ERCC3: variants seen among roughly 807,000 people sequenced by gnomAD.
The protein encoded by ERCC3 is general transcription and DNA repair factor IIH helicase/translocase subunit XPB.
ERCC3 carries 66 observed loss-of-function variants against 94.2 expected under a neutral mutation model. The ratio of observed to expected loss-of-function variants is 0.70; its 90% CI spans 0.57 to 0.86. The LOEUF is 0.86. Among genes scored for constraint, ERCC3 ranks in the 40% least tolerant of loss-of-function variants. The probability of loss-of-function intolerance (pLI) is 0.00; values close to 1 mark genes in which losing one functional copy is unlikely to be tolerated. For missense variants in ERCC3, 829 were observed against 987.1 expected, an observed-to-expected ratio of 0.84 and a Z score of 2.15; for synonymous variants, 349 against 369.1, an observed-to-expected ratio of 0.95 and a Z score of 0.63.
chr2:127,290,249 C>T lies in ERCC3; in HGVS notation c.496G>A (p.Val166Ile). 1 of 1,614,084 alleles carries T rather than the reference C, an allele frequency of 6.2e-7. No homozygotes were observed. Among genetic ancestry groups the T allele is most frequent in the Non-Finnish European group, 8.5e-7 (1 of 1,179,932 alleles). Residue 166 changes from valine (V) to isoleucine (I), a missense_variant, in exon 4 of 15, where the codon GTC becomes ATC. Physicochemically the swap from Val to Ile is conservative, Grantham distance 29 (BLOSUM62 3). Transcript: ENST00000285398. The part of the protein sequence containing the change: ...IKLCTVSYGK[V>I]KLVLKHNRYF... ...CTGTTGTGCTTCAAGACCAGCTTGACTTTTCCATAGCTGACAGTACACAAC... is the reference window on the plus strand; with the variant it reads ...CTGTTGTGCTTCAAGACCAGCTTGATTTTTCCATAGCTGACAGTACACAAC...
intron 11 of ERCC3, among the ~76,000 whole-genome samples, chr2:127,272,437 G>A (rs993215839): frequency 1.3e-5 from 2 of 152,070 alleles, no homozygotes; most frequent in Non-Finnish European, 2.9e-5. Context: ...CTGGGCCTGC[G>A]GAAGTCTGTG....
At chr2:127,288,440 C>G (rs1003742657) in intron 7 of ERCC3, among the ~76,000 whole-genome samples, 1 of 152,220 alleles carries the variant, frequency 6.6e-6, no homozygotes, top group East Asian at 1.9e-4. Flanking sequence ...TCCATGAGGT[C>G]AGAAGTGTTG....
At chr2:127,293,933 G>T (rs767576517) in intron 1 of ERCC3, 121 bp downstream of exon 1, 3 of 1,533,024 alleles carry the variant, frequency 2.0e-6, no homozygotes, top group Non-Finnish European at 1.7e-6. Context: ...GTCCCAACGG[G>T]GTGCGCGCGG....
In ERCC3 at chr2:127,280,045, C is replaced by T. The variant is rs1028142659; in HGVS notation, c.1527+402G>A. ...AGTACCGCCACCTCTTCACACACTT[C>T]CCAGCAGGGCTGGGAGCATATCAGT... On this transcript the variant is annotated intron_variant, in intron 9 of 14. Transcript: ENST00000285398. The surrounding 1 kb of genome is among the most constrained non-coding windows in gnomAD (Gnocchi z 6.3). Among the ~76,000 whole-genome samples, 2 of 152,186 alleles carry T rather than the reference C, an allele frequency of 1.3e-5. No individual in the cohort carries two copies. The highest frequency in any genetic ancestry group is 2.4e-5 in the African/African-American group (1 of 41,458).
At position 127,292,807 on chromosome 2, in the gene ERCC3, C is replaced by A; in HGVS notation, c.274G>T (p.Val92Phe). 6.2e-7 allele frequency: 1 copy of A among 1,613,786 alleles called. No homozygotes were observed. The highest frequency in any genetic ancestry group is 8.5e-7 in the Non-Finnish European group (1 of 1,179,978). Reference sequence around the variant, plus strand: ...AAGAAGTCTTGGGCATATTTGTAAACTGGAGAGAAGGCTTCCAAGAAGATA... The same window carrying A: ...AAGAAGTCTTGGGCATATTTGTAAAATGGAGAGAAGGCTTCCAAGAAGATA... ...GHIFLEAFSP[V>F]YKYAQDFLVA... Residue 92 changes from valine to phenylalanine, a missense_variant, in exon 3 of 15, where the codon GTT becomes TTT. Val to Phe is a conservative substitution (Grantham distance 50). Transcript: ENST00000285398.
rs1015749460 is a variant in ERCC3, at chr2:127,274,863, T to A, written c.1731-1902A>T. Among the ~76,000 whole-genome samples the A allele has an allele frequency of 1.3e-5, 2 of 152,042 alleles. No individual in the cohort carries two copies. The highest frequency in any genetic ancestry group is 4.8e-5 in the African/African-American group (2 of 41,378). On this transcript the variant is annotated intron_variant, in intron 10 of 14. Coordinates refer to ENST00000285398, the MANE Select transcript of ERCC3 (RefSeq NM_000122.2). This position sits in a 1 kb window ranked among gnomAD's most constrained non-coding sequence, Gnocchi z 4.0. ...AAAAGCACCCTCCAAGTGGAGAATG[T>A]CACATTTACTAAATACTTACAAGCT...
chr2:127,283,034 A>G (rs534639485), intron 8 of ERCC3, among the ~76,000 whole-genome samples: 1 of 147,822 alleles, frequency 6.8e-6, no homozygotes, highest in South Asian at 2.1e-4. Context: ...GTGGGTAGTG[A>G]TTCTCTGTAC....
In ERCC3 at chr2:127,288,936, T is replaced by A. The variant is rs556338988; in HGVS notation, c.823-72A>T. The A allele has an allele frequency of 1.1e-5, 13 of 1,208,786 alleles. No individual in the cohort carries two copies. The South Asian group carries it at 1.5e-4, about 14-fold the overall frequency. The allele number at this position is 1,208,786 out of a possible 1,614,324, so 74.9% of individuals were successfully genotyped here. A position where few individuals can be genotyped will look rare whatever the true frequency, so the allele number is the denominator to read the frequency against. The stretch of plus-strand genomic sequence containing the variant: ...CAAAAACATTACATCTTCTAAGAGG[T>A]CCAATGGTCAAAAAAGTGGCATTCT... On this transcript the variant is annotated intron_variant, in intron 6 of 14. Transcript: ENST00000285398.
At chr2:127,282,009 TGACCCCATCA>T (rs991041075) in intron 8 of ERCC3, among the ~76,000 whole-genome samples, 4 of 152,180 alleles carry the variant, frequency 2.6e-5, no homozygotes, top group Non-Finnish European at 5.9e-5. Context: ...TGGACACCCG[TGACCCCATCA>T]CACCCCTCTA....
chr2:127,268,340 C>T (rs1684447166), intron 12 of ERCC3, among the ~76,000 whole-genome samples: 1 of 152,096 alleles, frequency 6.6e-6, no homozygotes. Flanking sequence ...ATCACTGCAA[C>T]CTCTGCCTCC....
rs1268236791 is a variant in ERCC3 at position 127,291,361 on chromosome 2, GTGAT to G, written c.472-1092_472-1089del. Among the ~76,000 whole-genome samples the G allele has an allele frequency of 6.6e-6, 1 of 152,156 alleles. No homozygotes were observed. The highest frequency in any genetic ancestry group is 1.5e-5 in the Non-Finnish European group (1 of 68,036). On this transcript the variant is annotated intron_variant, in intron 3 of 14. Transcript: ENST00000285398. The surrounding 1 kb of genome is among the most constrained non-coding windows in gnomAD (Gnocchi z 4.9). Reference sequence around the variant, plus strand: ...TTCAACCTCTGCCGCCCGGGTTCAAGTGATTGTCCTGCCTCAGCCTCCTGAGTAG... The same window carrying G: ...TTCAACCTCTGCCGCCCGGGTTCAAGTGTCCTGCCTCAGCCTCCTGAGTAG...
At chr2:127,283,426 C>G (rs1320737391) in intron 8 of ERCC3, among the ~76,000 whole-genome samples, 1 of 152,220 alleles carries the variant, frequency 6.6e-6, no homozygotes, top group South Asian at 2.1e-4. Context: ...CAAGTTTGTT[C>G]TTTTTCACTA....
chr2:127,290,165 C>T, intron 4 of ERCC3, 59 bp downstream of exon 4: 3 of 1,322,384 alleles, frequency 2.3e-6, no homozygotes, highest in Non-Finnish European at 2.2e-6. Flanking sequence ...TCCCTTTATT[C>T]CTGCTGGTGC....
In ERCC3 at chr2:127,280,611, G is replaced by A. The variant is rs2104762247; in HGVS notation, c.1363C>T (p.Leu455Phe). 6.2e-7 allele frequency: 1 copy of A among 1,614,130 alleles called. No individual in the cohort carries two copies. Residue 455 changes from leucine to phenylalanine, a missense_variant, in exon 9 of 15, where the codon CTC becomes TTC. By Grantham distance (22) the Leu-to-Phe change is conservative. Coordinates refer to ENST00000285398, the MANE Select transcript of ERCC3 (RefSeq NM_000122.2). This position sits in a 1 kb window ranked among gnomAD's most constrained non-coding sequence, Gnocchi z 6.3. ...TTACAGTGGGCCTGCACGATGGTGAGCACCCTTCGGAACATCTTGGCTGAG... is the reference window on the plus strand; with the variant it reads ...TTACAGTGGGCCTGCACGATGGTGAACACCCTTCGGAACATCTTGGCTGAG... ...TIPAKMFRRVLTIVQAHCKLG... is the reference protein window; with the variant it reads ...TIPAKMFRRVFTIVQAHCKLG...
chr2:127,282,220 A>C (rs1449985748), intron 8 of ERCC3, among the ~76,000 whole-genome samples: 1 of 152,160 alleles, frequency 6.6e-6, no homozygotes. Context: ...CACTCCTCTG[A>C]CTTCTGAGAG....
chr2:127,259,573 C>T lies in ERCC3; in HGVS notation c.2065-125G>A, dbSNP rs944072516. On this transcript the variant is annotated intron_variant, in intron 13 of 14. Transcript: ENST00000285398. The surrounding 1 kb of genome is among the most constrained non-coding windows in gnomAD (Gnocchi z 4.9). ...CAGGCCCAGCCACCCTGGTGGCCAA[C>T]AATGGAGAGCTCCTCCCTAGCATTC... 24 of 1,214,860 alleles carry T rather than the reference C, an allele frequency of 2.0e-5. No homozygotes were observed. The highest frequency in any genetic ancestry group is 2.8e-5 in the Non-Finnish European group (23 of 828,464). 75.3% of individuals were successfully genotyped at this position (1,214,860 alleles called of 1,614,324 possible).
rs960168300 is a variant in ERCC3, at chr2:127,279,630, T to C, written c.1528-255A>G. The stretch of plus-strand genomic sequence containing the variant: ...TACAAAAATTAGCTGGGTGTGGTAG[T>C]GCATGTCTGTAATTCCAGCTACGCA... On this transcript the variant is annotated intron_variant, in intron 9 of 14. Coordinates refer to ENST00000285398, the MANE Select transcript of ERCC3 (RefSeq NM_000122.2). The surrounding 1 kb of genome is among the most constrained non-coding windows in gnomAD (Gnocchi z 4.7). 2.6e-5 allele frequency among the ~76,000 whole-genome samples: 4 copies of C among 152,174 alleles called. No individual in the cohort carries two copies. Among genetic ancestry groups the C allele is most frequent in the South Asian group, 2.1e-4 (1 of 4,818 alleles).
intron 5 of ERCC3, 80 bp from the exon 6 acceptor site, chr2:127,289,581 T>C: frequency 1.2e-6 from 2 of 1,603,410 alleles, no homozygotes; most frequent in African/African-American, 1.3e-5. Flanking sequence ...TTGTAAAGGG[T>C]AGAACCAGCA....
chr2:127,260,985 G>A lies in ERCC3; in HGVS notation c.2064+243C>T, dbSNP rs145356820. The A allele has an allele frequency of 9.4e-4, 484 of 516,984 alleles. 1 individual carries two copies. The highest frequency in any genetic ancestry group is 7.8e-3 in the African/African-American group (410 of 52,232). 32.0% of individuals were successfully genotyped at this position (516,984 alleles called of 1,614,324 possible). A position where few individuals can be genotyped will look rare whatever the true frequency, so the allele number is the denominator to read the frequency against. On this transcript the variant is annotated intron_variant, in intron 13 of 14. Coordinates refer to ENST00000285398, the MANE Select transcript of ERCC3 (RefSeq NM_000122.2). ...GGCATCCCTGAGAAAGCAGCCCTGC[G>A]GGGCTCAGATTCACACAGTGCTGGT...
Sources: gnomAD v4.1 joint callset for allele counts (sites outside exome capture counted in the v4.1 genomes callset) on GRCh38, gnomAD v4.1.1 for gene constraint, Gnocchi (gnomAD v3.1) non-coding constraint, MANE v1.5 for transcripts, NCBI Gene and HGNC (gene_info 2026-07-23, HGNC 2026-07-21) for gene names.